The following PSPH variants were observed in gnomAD, a reference collection of about 807,000 sequenced individuals.
The protein encoded by PSPH is phosphoserine phosphatase.
In PSPH, 16 loss-of-function variants were observed where a neutral mutation model predicts 23.4. The ratio of observed to expected loss-of-function variants is 0.68; its 90% CI spans 0.46 to 1.04. PSPH has a LOEUF of 1.04. PSPH is among the 50% of genes least tolerant of loss of function. PSPH has a pLI of 0.00. For missense variants in PSPH, 223 were observed against 273.7 expected (o/e 0.81, Z 1.31); for synonymous variants, 68 against 99.7 (o/e 0.68, Z 1.89).
intron 3 of PSPH, among the ~76,000 whole-genome samples, chr7:56,027,494 G>A (rs547008143): frequency 6.6e-6 from 1 of 152,020 alleles, no homozygotes; most frequent in Non-Finnish European, 1.5e-5. Flanking sequence ...GGGAGGCCAA[G>A]GCAGGCGAAT....
chr7:56,021,949 C>CAAAAAA (rs753210160), intron 3 of PSPH, among the ~76,000 whole-genome samples: 1 of 41,834 alleles, frequency 2.4e-5, no homozygotes, highest in Non-Finnish European at 4.7e-5. Flanking sequence ...GACTCCGTCT[C>CAAAAAA]AAAAAAAAAA....
chr7:56,033,685 G>A (rs1198437911), intron 2 of PSPH, among the ~76,000 whole-genome samples: 2 of 152,126 alleles, frequency 1.3e-5, no homozygotes, highest in Non-Finnish European at 2.9e-5. Flanking sequence ...CTTCAACTCT[G>A]AGTTTGGGGA....
At chr7:56,012,708 G>T (rs2116449730) in intron 7 of PSPH, among the ~76,000 whole-genome samples, 1 of 150,416 alleles carries the variant, frequency 6.6e-6, no homozygotes, top group South Asian at 2.1e-4. Flanking sequence ...TGGATCACCT[G>T]AGGTCAGGAG....
At chr7:56,039,010 G>T (rs1792118980) in intron 1 of PSPH, among the ~76,000 whole-genome samples, 1 of 151,974 alleles carries the variant, frequency 6.6e-6, no homozygotes, top group Non-Finnish European at 1.5e-5. Flanking sequence ...GGGTGTAGTG[G>T]TGCATACCTG....
chr7:56,042,218 CAAA>C (rs34436132), intron 1 of PSPH, among the ~76,000 whole-genome samples: 3 of 66,414 alleles, frequency 4.5e-5, no homozygotes. Flanking sequence ...GATTCTGTCT[CAAA>C]AAAAAAAAAA....
At chr7:56,033,571 A>C (rs1235424276) in intron 2 of PSPH, 2 of 151,834 alleles carry the variant, frequency 1.3e-5, no homozygotes, top group East Asian at 3.8e-4. Flanking sequence ...TGAAAGCATG[A>C]TTTATTTAAT....
At chr7:56,042,429 T>C (rs1792674595) in intron 1 of PSPH, among the ~76,000 whole-genome samples, 2 of 151,940 alleles carry the variant, frequency 1.3e-5, no homozygotes, top group African/African-American at 2.4e-5. Flanking sequence ...AGCAGAAGGA[T>C]TGCTTGAGGC....
chr7:56,035,764 C>T (rs1168258335), intron 1 of PSPH, among the ~76,000 whole-genome samples: 4 of 151,900 alleles, frequency 2.6e-5, no homozygotes, highest in South Asian at 2.1e-4. Context: ...GGATTACAAG[C>T]GCACACTACC....
chr7:56,030,501 G>A (rs1790828426), intron 3 of PSPH, among the ~76,000 whole-genome samples: 2 of 152,062 alleles, frequency 1.3e-5, no homozygotes, highest in African/African-American at 2.4e-5. Flanking sequence ...GCTGGAGGCC[G>A]TTATCCTAAG....
At chr7:56,050,081 A>G (rs544535028) in intron 1 of PSPH, among the ~76,000 whole-genome samples, 1 of 152,094 alleles carries the variant, frequency 6.6e-6, no homozygotes, top group Non-Finnish European at 1.5e-5. Flanking sequence ...CCGCATGCAC[A>G]CCGTGTAATG....
At chr7:56,042,544 AG>A (rs1300622090) in intron 1 of PSPH, among the ~76,000 whole-genome samples, 3 of 151,836 alleles carry the variant, frequency 2.0e-5, no homozygotes, top group Non-Finnish European at 4.4e-5. Flanking sequence ...CCAGCTACAC[AG>A]GAGGCTGAGG....
At chr7:56,044,108 A>C (rs1792920139) in intron 1 of PSPH, among the ~76,000 whole-genome samples, 1 of 151,902 alleles carries the variant, frequency 6.6e-6, no homozygotes, top group South Asian at 2.1e-4. Flanking sequence ...ACGCCTGGCT[A>C]ATTTTGTATT....
At chr7:56,029,289 G>A (rs926521348) in intron 3 of PSPH, among the ~76,000 whole-genome samples, 1 of 152,010 alleles carries the variant, frequency 6.6e-6, no homozygotes, top group African/African-American at 2.4e-5. Context: ...ATGGACTCTG[G>A]ATTCTTCGTA....
intron 4 of PSPH, among the ~76,000 whole-genome samples, chr7:56,020,409 G>T (rs1789204285): frequency 6.6e-6 from 1 of 151,976 alleles, no homozygotes; most frequent in Admixed American, 6.6e-5. Context: ...GGCGGATCAC[G>T]AGGTCAGGAG....
intron 1 of PSPH, among the ~76,000 whole-genome samples, chr7:56,042,087 G>A (rs1314658921): frequency 2.6e-5 from 4 of 151,912 alleles, no homozygotes; most frequent in Non-Finnish European, 4.4e-5. Flanking sequence ...CCAGGGTGTG[G>A]TGTCGTGCAC....
Position 56,051,354 on chromosome 7 carries a change from G to A in PSPH, c.-508C>T. On this transcript the variant is annotated 5_prime_UTR_variant, in exon 1 of 8. Transcript: ENST00000275605. The stretch of plus-strand genomic sequence containing the variant: ...CATCTTCGCTAGGCCTCACAGCACC[G>A]CATGATTCCGGGGGAGGGTGCTTAT... 1 of 176,700 alleles carries A rather than the reference G, an allele frequency of 5.7e-6. No homozygotes were observed. The highest frequency in any genetic ancestry group is 1.2e-5 in the Non-Finnish European group (1 of 82,882). The allele number at this position is 176,700 out of a possible 1,614,324, so 10.9% of individuals were successfully genotyped here. A position where few individuals can be genotyped will look rare whatever the true frequency, so the allele number is the denominator to read the frequency against.
chr7:56,048,102 A>G (rs1793494702), intron 1 of PSPH, among the ~76,000 whole-genome samples: 1 of 152,030 alleles, frequency 6.6e-6, no homozygotes, highest in Admixed American at 6.6e-5. Flanking sequence ...AACATGGTGA[A>G]ACCCCATTTC....
intron 7 of PSPH, 94 bp downstream of exon 7, chr7:56,014,929 G>A (rs7801405): frequency 0.21 from 273,192 of 1,312,430 alleles, 29,823 homozygotes; most frequent in Middle Eastern, 0.25. Context: ...GGCAACAAGA[G>A]TGAAACTCCG....
chr7:56,024,448 T>A (rs937061753), intron 3 of PSPH, among the ~76,000 whole-genome samples: 1 of 152,260 alleles, frequency 6.6e-6, no homozygotes. Flanking sequence ...TAAAAACTAA[T>A]GAAATTCAAA....
Sources: allele counts gnomAD v4.1 joint callset (sites outside exome capture counted in the v4.1 genomes callset), GRCh38; gene constraint gnomAD v4.1.1; transcripts MANE v1.5; gene names NCBI Gene and HGNC (gene_info 2026-07-23, HGNC 2026-07-21).